The following FGF13 variants were observed in gnomAD, a reference collection of about 807,000 sequenced individuals.
FGF13 encodes the protein fibroblast growth factor homologous factor 2.
Under a neutral mutation model 19.5 loss-of-function variants are expected in FGF13, and 2 were observed. The ratio of observed to expected loss-of-function variants is 0.10; its 90% CI spans 0.04 to 0.32. The LOEUF (loss-of-function observed/expected upper bound fraction) is 0.32. Among genes scored for constraint, FGF13 ranks in the 10% least tolerant of loss-of-function variants. The pLI is 1.00. For missense variants in FGF13, 113 were observed against 192.7 expected, an observed-to-expected ratio of 0.59 and a Z score of 2.45; for synonymous variants, 72 against 76.9, an observed-to-expected ratio of 0.94 and a Z score of 0.33.
chrX:138,645,487 G>A (rs975154174), intron 3 of FGF13, among the ~76,000 whole-genome samples: 21 of 111,908 alleles, frequency 1.9e-4, no homozygotes, highest in African/African-American at 5.9e-4. Context: ...TAGGCAATTC[G>A]TGTGTTTTCT....
chrX:139,152,599 A>G (rs1399294625), intron 1 of FGF13, among the ~76,000 whole-genome samples: 2 of 110,861 alleles, frequency 1.8e-5, no homozygotes, highest in Non-Finnish European at 3.8e-5. Flanking sequence ...TAAATATCAT[A>G]TGGGACTTGG....
intron 1 of FGF13, among the ~76,000 whole-genome samples, chrX:138,993,869 G>A (rs2092029757): frequency 9.0e-6 from 1 of 111,643 alleles, no homozygotes; most frequent in Admixed American, 9.5e-5. Context: ...CTCTTACAGT[G>A]TCAAAAACCT....
intron 1 of FGF13, among the ~76,000 whole-genome samples, chrX:138,721,608 C>T (rs757890211): frequency 2.2e-4 from 24 of 110,654 alleles, no homozygotes; most frequent in Admixed American, 3.9e-4. Flanking sequence ...GTCTCTCCCT[C>T]ATGATTCCTT....
At chrX:138,763,396 C>T (rs770505166) in intron 3 of FGF13, among the ~76,000 whole-genome samples, 5 of 111,217 alleles carry the variant, frequency 4.5e-5, no homozygotes, top group Non-Finnish European at 9.4e-5. Flanking sequence ...GTTTGGGGAC[C>T]GATAGAGAAC....
At chrX:139,177,038 G>A (rs188892384) in intron 1 of FGF13, among the ~76,000 whole-genome samples, 14 of 110,361 alleles carry the variant, frequency 1.3e-4, no homozygotes, top group African/African-American at 4.6e-4. Flanking sequence ...TTATTGTGTG[G>A]GAGTCTAAGT....
chrX:138,873,776 G>A (rs2091370954), intron 1 of FGF13, among the ~76,000 whole-genome samples: 1 of 110,865 alleles, frequency 9.0e-6, no homozygotes, highest in Non-Finnish European at 1.9e-5. Context: ...TTTCCCGACT[G>A]GATTAAGAAA....
intron 1 of FGF13, among the ~76,000 whole-genome samples, chrX:139,110,521 T>C (rs909152123): frequency 3.6e-5 from 4 of 111,513 alleles, no homozygotes; most frequent in African/African-American, 1.3e-4. Context: ...GCTGCTGCCA[T>C]GTAAGAAGTG....
At chrX:139,167,773 A>T (rs2148260221) in intron 1 of FGF13, among the ~76,000 whole-genome samples, 1 of 112,335 alleles carries the variant, frequency 8.9e-6, no homozygotes, top group Non-Finnish European at 1.9e-5. Flanking sequence ...GACACATTCC[A>T]CTTAGCAAAA....
At chrX:138,915,694 C>G (rs1392859099) in intron 1 of FGF13, among the ~76,000 whole-genome samples, 1 of 111,765 alleles carries the variant, frequency 8.9e-6, no homozygotes, top group South Asian at 3.8e-4. Flanking sequence ...TTCTCTTCAT[C>G]ATTGTCACCA....
chrX:138,960,631 C>T (rs1180873096), intron 1 of FGF13, among the ~76,000 whole-genome samples: 2 of 112,023 alleles, frequency 1.8e-5, no homozygotes, highest in African/African-American at 6.5e-5. Flanking sequence ...TTCTCCCCGT[C>T]ACTTTCAGGT....
intron 2 of FGF13, among the ~76,000 whole-genome samples, chrX:138,705,332 T>C (rs980672945): frequency 1.8e-5 from 2 of 111,531 alleles, no homozygotes; most frequent in African/African-American, 6.5e-5. Flanking sequence ...GATTTGATTT[T>C]CACCGTGTTC....
At chrX:138,815,189 G>T (rs2090953162) in intron 3 of FGF13, among the ~76,000 whole-genome samples, 1 of 110,347 alleles carries the variant, frequency 9.1e-6, no homozygotes, top group Non-Finnish European at 1.9e-5. Context: ...GGGCTGGGGA[G>T]GGGTGATGGG....
At chrX:139,096,548 C>A (rs1271168210) in intron 1 of FGF13, among the ~76,000 whole-genome samples, 2 of 111,757 alleles carry the variant, frequency 1.8e-5, no homozygotes, top group African/African-American at 3.3e-5. Flanking sequence ...ATAAAGGGCA[C>A]TGAAAGTCCT....
At chrX:138,673,605 T>C (rs1335069157) in intron 3 of FGF13, among the ~76,000 whole-genome samples, 1 of 111,421 alleles carries the variant, frequency 9.0e-6, no homozygotes, top group East Asian at 2.8e-4. Flanking sequence ...AGACAAGAAA[T>C]TACTTGGAAC....
At chrX:138,942,896 A>G (rs764885937) in intron 1 of FGF13, among the ~76,000 whole-genome samples, 35 of 111,176 alleles carry the variant, frequency 3.1e-4, no homozygotes, top group African/African-American at 1.0e-3. Context: ...ATAACTTCTC[A>G]TCTTAGAGAT....
At chrX:138,715,141 G>T (rs1247568134), upstream of FGF13, among the ~76,000 whole-genome samples, 1 of 111,899 alleles carries the variant, frequency 8.9e-6, no homozygotes, top group Non-Finnish European at 1.9e-5. Flanking sequence ...CTCTCCCATT[G>T]CATTGTCCAC....
At chrX:138,903,468 A>G (rs116068916) in intron 1 of FGF13, among the ~76,000 whole-genome samples, 2,792 of 111,616 alleles carry the variant, frequency 0.025, 84 homozygotes, top group African/African-American at 0.087. Flanking sequence ...AACAGAAAGG[A>G]GTGGTTCAAG....
chrX:138,995,526 C>T (rs1393698518), intron 1 of FGF13, among the ~76,000 whole-genome samples: 1 of 111,674 alleles, frequency 9.0e-6, no homozygotes, highest in African/African-American at 3.3e-5. Context: ...ATCTTCTTAC[C>T]ATTTAGTTCC....
At chrX:138,679,312 C>A (rs181744191) in intron 3 of FGF13, among the ~76,000 whole-genome samples, 1 of 110,538 alleles carries the variant, frequency 9.0e-6, no homozygotes, top group East Asian at 2.9e-4. Context: ...CTCATGGGAT[C>A]AAGTGATCCT....
Sources: gnomAD v4.1 joint callset for allele counts (sites outside exome capture counted in the v4.1 genomes callset) on GRCh38, gnomAD v4.1.1 for gene constraint, MANE v1.5 for transcripts, NCBI Gene and HGNC (gene_info 2026-07-23, HGNC 2026-07-21) for gene names.